Variants in LONRF3 observed in about 807,000 individuals in gnomAD.
LONRF3 encodes LON peptidase N-terminal domain and ring finger 3.
Under a neutral mutation model 51.7 loss-of-function variants are expected in LONRF3, and 19 were observed. The ratio of observed to expected loss-of-function variants is 0.37; its 90% CI spans 0.26 to 0.54. The LOEUF (loss-of-function observed/expected upper bound fraction) is 0.54. LONRF3 is among the 20% of genes least tolerant of loss of function. The probability of loss-of-function intolerance (pLI) is 0.86; values close to 1 mark genes in which losing one functional copy is unlikely to be tolerated. For synonymous variants in LONRF3, 265 were observed against 257.8 expected, an observed-to-expected ratio of 1.03 and a Z score of -0.27; for missense variants, 521 against 623.9, an observed-to-expected ratio of 0.84 and a Z score of 1.76.
At chrX:118,979,246 G>C (rs1482519966) in intron 2 of LONRF3, among the ~76,000 whole-genome samples, 2 of 108,804 alleles carry the variant, frequency 1.8e-5, no homozygotes, top group Non-Finnish European at 3.8e-5. Context: ...CTCATGATCC[G>C]CCCGCCTTGG....
In LONRF3 at chrX:118,995,199, T is replaced by C. The variant is rs369997135; in HGVS notation, c.1415+4639T>C. ...ACTGTAAAAGGAACCTTCAAAACCA[T>C]GCAAATAACATGGAAATTGAACAAC... is the stretch of plus-strand genomic sequence containing the variant. On this transcript the variant is annotated intron_variant, in intron 5 of 10. Coordinates refer to ENST00000371628, the MANE Select transcript of LONRF3 (RefSeq NM_001031855.3). Among the ~76,000 whole-genome samples, 452 of 112,193 alleles carry C rather than the reference T, an allele frequency of 4.0e-3. 3 individuals are homozygous for C. Among genetic ancestry groups the C allele is most frequent in the African/African-American group, 0.014 (420 of 30,892 alleles).
chrX:118,986,198 A>T (rs1250026798), intron 3 of LONRF3, among the ~76,000 whole-genome samples: 2 of 111,536 alleles, frequency 1.8e-5, no homozygotes, highest in Admixed American at 9.6e-5. Context: ...AGCTTATCCA[A>T]TTGCAAGGGA....
rs189508460 is a variant in LONRF3 at position 119,013,938 on chromosome X, C to T, written c.1975-269C>T. Among the ~76,000 whole-genome samples the T allele has an allele frequency of 1.8e-3, 201 of 111,696 alleles. 2 individuals carry two copies. The highest frequency in any genetic ancestry group is 6.3e-3 in the African/African-American group (194 of 30,777). On this transcript the variant is annotated intron_variant, in intron 9 of 10. Coordinates refer to ENST00000371628, the MANE Select transcript of LONRF3 (RefSeq NM_001031855.3). ...TTTAACCACATGCCTCCACTCAGGC[C>T]GGTTTGAATCTCTGGTTTTCTGCAT...
intron 2 of LONRF3, among the ~76,000 whole-genome samples, chrX:118,979,300 C>CTTTTT (rs781007753): frequency 1.0e-5 from 1 of 97,354 alleles, no homozygotes; most frequent in African/African-American, 3.8e-5. Context: ...ACCGCGCTGG[C>CTTTTT]TTTTTTTTTT....
Position 118,975,281 on chromosome X carries a change from C to T in LONRF3, c.501C>T (p.Asp167=). Residue 167 remains aspartate, a synonymous_variant, in exon 1 of 11, where the codon GAC becomes GAT. Coordinates refer to ENST00000371628, the MANE Select transcript of LONRF3 (RefSeq NM_001031855.3). ...KCRKCHGFLS[D]PVSLSCGHTF... ...GGAAATGTCATGGGTTTCTATCAGA[C>T]CCCGTGTCCTTGTCGTGTGGCCACA... 1 of 1,210,322 alleles carries T rather than the reference C, an allele frequency of 8.3e-7. No individual in the cohort carries two copies. Among genetic ancestry groups the T allele is most frequent in the Non-Finnish European group, 1.1e-6 (1 of 895,087 alleles).
Position 118,989,483 on chromosome X carries a change from C to A in LONRF3, c.1135C>A (p.Pro379Thr). Reference sequence around the variant, plus strand: ...GGGAGATGGCAGCAGTCTGATGGACCCAGCTAAAGTGAAGGGGGATGGTCA... The same window carrying A: ...GGGAGATGGCAGCAGTCTGATGGACACAGCTAAAGTGAAGGGGGATGGTCA... The part of the protein sequence containing the change: ...ARGDGSSLMD[P>T]AKVKGDGQQH... The change falls in exon 4 of 11, where the codon CCA becomes ACA. Residue 379 changes from proline to threonine, a missense_variant. By Grantham distance (38) the Pro-to-Thr change is conservative. Transcript: ENST00000371628. 8.3e-7 allele frequency: 1 copy of A among 1,210,966 alleles called. No homozygotes were observed. Among genetic ancestry groups the A allele is most frequent in the Non-Finnish European group, 1.1e-6 (1 of 895,248 alleles).
intron 2 of LONRF3, among the ~76,000 whole-genome samples, chrX:118,980,345 T>A (rs1330750529): frequency 8.9e-6 from 1 of 112,156 alleles, no homozygotes; most frequent in Non-Finnish European, 1.9e-5. Context: ...TCCATGAAAA[T>A]TCACACTCAG....
In LONRF3 at chrX:119,011,876, C is replaced by T. The variant is rs750780063; in HGVS notation, c.1714C>T (p.Leu572=). The T allele has an allele frequency of 8.3e-7, 1 of 1,211,836 alleles. No homozygotes were observed. Among genetic ancestry groups the T allele is most frequent in the South Asian group, 1.8e-5 (1 of 56,997 alleles). ...TMAYPTVPCP[L]HIFEPCYRLM... ...GGCCTATCCCACCGTTCCTTGTCCC[C>T]TGCACATCTTTGAGCCTTGTTACCG... Residue 572 remains leucine (L), a synonymous_variant, in exon 8 of 11, where the codon CTG becomes TTG. Transcript: ENST00000371628.
intron 7 of LONRF3, among the ~76,000 whole-genome samples, chrX:119,011,112 TAAAAAAAA>T (rs753631329): frequency 2.3e-5 from 2 of 86,469 alleles, no homozygotes; most frequent in African/African-American, 8.5e-5. Flanking sequence ...AGACTCCGCT[TAAAAAAAA>T]AAAAAAAAAG....
chrX:118,976,162 G>A (rs1019904130), intron 1 of LONRF3, among the ~76,000 whole-genome samples: 10 of 113,154 alleles, frequency 8.8e-5, no homozygotes, highest in African/African-American at 2.6e-4. Flanking sequence ...GCCCCTTCCG[G>A]GGCCGCGGCT....
chrX:119,010,983 A>G (rs1925064326), intron 7 of LONRF3, among the ~76,000 whole-genome samples: 1 of 109,955 alleles, frequency 9.1e-6, no homozygotes, highest in Non-Finnish European at 1.9e-5. Context: ...GCATGGTGGC[A>G]TGCACCTGTA....
chrX:118,989,760 T>C, intron 4 of LONRF3, 88 bp downstream of exon 4: 1 of 1,000,211 alleles, frequency 1.0e-6, no homozygotes, highest in Non-Finnish European at 1.3e-6. Context: ...GTCTGGGGGC[T>C]CCTTAGGCTC....
chrX:119,009,542 G>A (rs1286719056), intron 7 of LONRF3, among the ~76,000 whole-genome samples: 1 of 111,698 alleles, frequency 9.0e-6, no homozygotes, highest in Non-Finnish European at 1.9e-5. Context: ...GAGTAAATTG[G>A]AGTAGCATAA....
chrX:118,987,445 G>GTTTTTTTTTTTTTT (rs369180848), intron 3 of LONRF3, among the ~76,000 whole-genome samples: 3 of 32,304 alleles, frequency 9.3e-5, no homozygotes, highest in African/African-American at 3.1e-4. Context: ...GCCTGGCTAA[G>GTTTTTTTTTTTTTT]TTTTTTTTTT....
chrX:118,990,154 A>G (rs1175610727), intron 4 of LONRF3, among the ~76,000 whole-genome samples: 2 of 112,257 alleles, frequency 1.8e-5, no homozygotes, highest in Non-Finnish European at 3.8e-5. Context: ...TTTAGCTTTG[A>G]AGGCCTGGCT....
chrX:118,990,067 C>G (rs1923310671), intron 4 of LONRF3, among the ~76,000 whole-genome samples: 1 of 111,676 alleles, frequency 9.0e-6, no homozygotes, highest in Admixed American at 9.5e-5. Flanking sequence ...AGTTGTGTTC[C>G]CATAGGTAGG....
At chrX:118,994,342 A>G (rs1461435582) in intron 5 of LONRF3, among the ~76,000 whole-genome samples, 2 of 111,705 alleles carry the variant, frequency 1.8e-5, no homozygotes, top group Non-Finnish European at 3.8e-5. Flanking sequence ...GGTGAAAAAA[A>G]GGCGTTTCAT....
intron 7 of LONRF3, 94 bp downstream of exon 7, chrX:119,009,341 T>C: frequency 1.1e-6 from 1 of 900,572 alleles, no homozygotes; most frequent in Non-Finnish European, 1.5e-6. Flanking sequence ...CTTAGTGATG[T>C]CATGCTAGCT....
intron 5 of LONRF3, among the ~76,000 whole-genome samples, chrX:118,993,745 G>A (rs1923600066): frequency 1.8e-5 from 2 of 111,721 alleles, no homozygotes; most frequent in African/African-American, 6.5e-5. Context: ...CCAAAGTTAA[G>A]ATGAAGGAAA....
Sources: gnomAD v4.1 joint callset for allele counts (sites outside exome capture counted in the v4.1 genomes callset) on GRCh38, gnomAD v4.1.1 for gene constraint, MANE v1.5 for transcripts, NCBI Gene and HGNC (gene_info 2026-07-23, HGNC 2026-07-21) for gene names.